The following CDH4 variants were observed in gnomAD, a reference collection of about 807,000 sequenced individuals.
The protein encoded by CDH4 is cadherin-4.
CDH4 carries 33 observed loss-of-function variants against 86.0 expected under a neutral mutation model. The observed-to-expected ratio is 0.38, with a 90% CI of 0.29 to 0.51. The LOEUF (loss-of-function observed/expected upper bound fraction) is 0.51, where lower values mean the gene tolerates loss of function less well. CDH4 is among the 20% of genes least tolerant of loss of function. The pLI is 0.86. For missense variants in CDH4, 1,114 were observed against 1,307.4 expected (o/e 0.85, Z 2.28); for synonymous variants, 555 against 549.4 (o/e 1.01, Z -0.14).
intron 6 of CDH4, among the ~76,000 whole-genome samples, chr20:61,859,713 T>G (rs1190412093): frequency 6.6e-6 from 1 of 152,250 alleles, no homozygotes; most frequent in African/African-American, 2.4e-5. Context: ...GGCACATTTG[T>G]GTGGGTCTGT....
intron 4 of CDH4, among the ~76,000 whole-genome samples, chr20:61,790,626 C>T (rs1020748664): frequency 6.6e-6 from 1 of 150,996 alleles, no homozygotes; most frequent in Non-Finnish European, 1.5e-5. Context: ...TTCATTTCTC[C>T]ATTCATCTCT....
chr20:61,398,843 C>T lies in CDH4; in HGVS notation c.169+143906C>T, dbSNP rs189128429. Among the ~76,000 whole-genome samples, 54 of 152,290 alleles carry T rather than the reference C, an allele frequency of 3.5e-4. 1 individual carries two copies. Among genetic ancestry groups the T allele is most frequent in the Admixed American group, 3.5e-3 (53 of 15,300 alleles). ...TCATTGTGTGTCCCCTTTCTCAGGCCAGCAGGTGTGACTGGTGTGCCCAGA... is the reference window on the plus strand; with the variant it reads ...TCATTGTGTGTCCCCTTTCTCAGGCTAGCAGGTGTGACTGGTGTGCCCAGA... On this transcript the variant is annotated intron_variant, in intron 2 of 15. Transcript: ENST00000614565.
intron 2 of CDH4, among the ~76,000 whole-genome samples, chr20:61,683,998 C>A (rs2087547355): frequency 6.6e-6 from 1 of 152,210 alleles, no homozygotes; most frequent in African/African-American, 2.4e-5. Context: ...CCCAGGAGCT[C>A]CTCGTGTCTG....
At chr20:61,311,986 C>T (rs1301295132) in intron 2 of CDH4, among the ~76,000 whole-genome samples, 4 of 152,348 alleles carry the variant, frequency 2.6e-5, no homozygotes, top group Middle Eastern at 6.8e-3. Context: ...TACATGCCTG[C>T]ATGTGTGTAA....
chr20:61,848,585 G>A (rs1982570233), intron 5 of CDH4, among the ~76,000 whole-genome samples: 1 of 152,130 alleles, frequency 6.6e-6, no homozygotes, highest in South Asian at 2.1e-4. Context: ...GAGTGCAGTG[G>A]TACTATCTCG....
intron 2 of CDH4, among the ~76,000 whole-genome samples, chr20:61,649,655 G>C (rs1229747299): frequency 6.6e-6 from 1 of 152,172 alleles, no homozygotes; most frequent in Non-Finnish European, 1.5e-5. Context: ...GTGGCTGAAC[G>C]GGGGCTCGGT....
chr20:61,302,579 G>T (rs1239226258), intron 2 of CDH4, among the ~76,000 whole-genome samples: 1 of 152,090 alleles, frequency 6.6e-6, no homozygotes, highest in African/African-American at 2.4e-5. Context: ...CGGCATTGTT[G>T]TCCCCTCCAT....
chr20:61,918,556 C>T (rs911396296), intron 9 of CDH4, among the ~76,000 whole-genome samples: 2 of 152,112 alleles, frequency 1.3e-5, no homozygotes, highest in Non-Finnish European at 2.9e-5. Flanking sequence ...GAGGTGACAG[C>T]GTGCATCAGG....
At chr20:61,729,122 G>A (rs559397904) in intron 2 of CDH4, among the ~76,000 whole-genome samples, 4 of 134,288 alleles carry the variant, frequency 3.0e-5, no homozygotes, top group East Asian at 4.7e-4. Context: ...TGACTGCAGC[G>A]TGTTTTGACA....
intron 4 of CDH4, among the ~76,000 whole-genome samples, chr20:61,833,376 G>C (rs1600697037): frequency 6.6e-6 from 1 of 152,264 alleles, no homozygotes; most frequent in East Asian, 1.9e-4. Flanking sequence ...CTGGTTTGCA[G>C]AGCACTTTCT....
chr20:61,894,513 C>T (rs1276062505), intron 7 of CDH4, among the ~76,000 whole-genome samples: 2 of 152,176 alleles, frequency 1.3e-5, no homozygotes, highest in Admixed American at 6.5e-5. Flanking sequence ...TCCTGACCCG[C>T]GTCTGTGGGG....
chr20:61,517,346 C>G lies in CDH4; in HGVS notation c.170-226217C>G, dbSNP rs1368154234. ...TGTAGCTGGGGCCACAGGTGCACAC[C>G]ACCTTGTGCAGCTAATTTTTTTACT... is the stretch of plus-strand genomic sequence containing the variant. On this transcript the variant is annotated intron_variant, in intron 2 of 15. Coordinates refer to ENST00000614565, the MANE Select transcript of CDH4 (RefSeq NM_001794.5). This position sits in a 1 kb window ranked among gnomAD's most constrained non-coding sequence, Gnocchi z 6.6. Among the ~76,000 whole-genome samples the G allele has an allele frequency of 6.6e-6, 1 of 152,212 alleles. No homozygotes were observed. Among genetic ancestry groups the G allele is most frequent in the Non-Finnish European group, 1.5e-5 (1 of 68,046 alleles).
chr20:61,655,022 G>T (rs549904699), intron 2 of CDH4, among the ~76,000 whole-genome samples: 8 of 152,268 alleles, frequency 5.3e-5, no homozygotes, highest in Non-Finnish European at 8.8e-5. Context: ...AGGCGACACT[G>T]GGTCCCAGGG....
At chr20:61,408,839 G>A (rs551104958) in intron 2 of CDH4, among the ~76,000 whole-genome samples, 63 of 152,252 alleles carry the variant, frequency 4.1e-4, no homozygotes, top group African/African-American at 1.4e-3. Flanking sequence ...AGTTCTTTGC[G>A]ATCCTCAGTA....
intron 3 of CDH4, among the ~76,000 whole-genome samples, chr20:61,765,223 G>A (rs913554874): frequency 5.9e-5 from 9 of 152,050 alleles, no homozygotes; most frequent in African/African-American, 1.4e-4. Flanking sequence ...CTCAGGGCTC[G>A]GAGGGGTCCC....
chr20:61,382,410 G>C (rs189139946), intron 2 of CDH4, among the ~76,000 whole-genome samples: 18 of 152,330 alleles, frequency 1.2e-4, no homozygotes, highest in African/African-American at 3.8e-4. Context: ...ACATGCACAT[G>C]GAAGACCCTG....
At chr20:61,910,044 C>T (rs1395286758) in intron 8 of CDH4, among the ~76,000 whole-genome samples, 3 of 152,272 alleles carry the variant, frequency 2.0e-5, no homozygotes, top group African/African-American at 7.2e-5. Context: ...GAGGCGTGCA[C>T]TCCCGTGCAC....
chr20:61,622,434 G>A (rs1232738278), intron 2 of CDH4, among the ~76,000 whole-genome samples: 1 of 152,232 alleles, frequency 6.6e-6, no homozygotes, highest in Non-Finnish European at 1.5e-5. Flanking sequence ...TTCTTGGATG[G>A]CTGGTGTTTG....
chr20:61,367,294 G>A (rs2123328944), intron 2 of CDH4, among the ~76,000 whole-genome samples: 1 of 152,338 alleles, frequency 6.6e-6, no homozygotes, highest in South Asian at 2.1e-4. Context: ...ACATTCTGGA[G>A]CTGAAGCACA....
Sources: allele counts gnomAD v4.1 joint callset (sites outside exome capture counted in the v4.1 genomes callset), GRCh38; gene constraint gnomAD v4.1.1; non-coding constraint Gnocchi (gnomAD v3.1); transcripts MANE v1.5; gene names NCBI Gene and HGNC (gene_info 2026-07-23, HGNC 2026-07-21).